Variants in DDAH1 observed in about 807,000 individuals in gnomAD.
DDAH1 encodes the protein dimethylarginine dimethylaminohydrolase 1.
DDAH1 carries 19 observed loss-of-function variants against 28.8 expected under a neutral mutation model. The ratio of observed to expected loss-of-function variants is 0.66; its 90% CI spans 0.46 to 0.97. The LOEUF (loss-of-function observed/expected upper bound fraction) is 0.97. Ranked by LOEUF, DDAH1 falls within the 50% of genes least tolerant of loss-of-function variation. DDAH1 has a pLI of 0.00. For synonymous variants in DDAH1, 153 were observed against 154.4 expected, an observed-to-expected ratio of 0.99 and a Z score of 0.07; for missense variants, 326 against 375.9, an observed-to-expected ratio of 0.87 and a Z score of 1.10.
intron 1 of DDAH1, among the ~76,000 whole-genome samples, chr1:85,391,738 G>T (rs1651560582): frequency 1.3e-5 from 2 of 152,182 alleles, no homozygotes; most frequent in Non-Finnish European, 2.9e-5. Context: ...CTGGCCTTTT[G>T]GCCTGCTCTG....
At chr1:85,508,649 C>A (rs550576120) in intron 1 of DDAH1, among the ~76,000 whole-genome samples, 1 of 152,350 alleles carries the variant, frequency 6.6e-6, no homozygotes, top group Admixed American at 6.5e-5. Flanking sequence ...TCTTAGCAAC[C>A]GGCAGACAAC....
At chr1:85,355,029 C>G (rs901417181) in intron 2 of DDAH1, among the ~76,000 whole-genome samples, 4 of 151,838 alleles carry the variant, frequency 2.6e-5, no homozygotes, top group African/African-American at 4.8e-5. Context: ...CTCTGGCAAA[C>G]AAAGAAAGAA....
rs546515140 is a variant in DDAH1, at chr1:85,321,163, A to G, written c.*289T>C. 3.7e-6 allele frequency: 1 copy of G among 270,594 alleles called. No individual in the cohort carries two copies. The highest frequency in any genetic ancestry group is 2.2e-5 in the African/African-American group (1 of 46,124). 16.8% of individuals were successfully genotyped at this position (270,594 alleles called of 1,614,324 possible). A position where few individuals can be genotyped will look rare whatever the true frequency, so the allele number is the denominator to read the frequency against. Reference sequence around the variant, plus strand: ...AATAATTTTCACACCAAAAATACAGACACTAAATGAGTGTTTCCTTACTGG... The same window carrying G: ...AATAATTTTCACACCAAAAATACAGGCACTAAATGAGTGTTTCCTTACTGG... On this transcript the variant is annotated 3_prime_UTR_variant, in exon 6 of 6. Transcript: ENST00000284031.
rs534963794 is a variant in DDAH1 at position 85,526,104 on chromosome 1, T to G, written c.-122-29823A>C. 2.0e-3 allele frequency among the ~76,000 whole-genome samples: 312 copies of G among 152,322 alleles called. 4 individuals are homozygous for G. The highest frequency in any genetic ancestry group is 0.018 in the Admixed American group (274 of 15,306). ...GGTTAAATGGATCCAGAAAAATTAC[T>G]AACAGATATGGTGACAAAGGACATG... is the stretch of plus-strand genomic sequence containing the variant. On this transcript the variant is annotated intron_variant, in intron 1 of 6. Transcript: ENST00000426972.
intron 1 of DDAH1, among the ~76,000 whole-genome samples, chr1:85,521,447 T>A (rs671020): frequency 0.89 from 133,832 of 150,992 alleles, 59,659 homozygotes; most frequent in Middle Eastern, 0.96. Flanking sequence ...CAGCCGCCAG[T>A]GTGAACTCAT....
exon 2 of DDAH1, chr1:85,496,266 T>C (rs1480530117): frequency 7.1e-6 from 7 of 981,368 alleles, no homozygotes; most frequent in Non-Finnish European, 8.5e-6. Context: ...AGAGCTCCTT[T>C]TCCATACAGA....
chr1:85,564,162 C>T (rs568199201), intron 1 of DDAH1, among the ~76,000 whole-genome samples: 1 of 142,812 alleles, frequency 7.0e-6, no homozygotes, highest in East Asian at 2.0e-4. Flanking sequence ...CAGAGCAAGA[C>T]TCCATCTCAA....
At chr1:85,510,786 A>G (rs56853702) in intron 1 of DDAH1, among the ~76,000 whole-genome samples, 50,791 of 151,840 alleles carry the variant, frequency 0.33, 8,979 homozygotes, top group Admixed American at 0.46. Context: ...GATCAATTCC[A>G]CAAGAAGAGC....
At chr1:85,375,794 C>T (rs1650633247) in intron 1 of DDAH1, among the ~76,000 whole-genome samples, 3 of 152,014 alleles carry the variant, frequency 2.0e-5, no homozygotes, top group South Asian at 4.2e-4. Context: ...GAAAAAGAAA[C>T]TCAAACTCAT....
chr1:85,470,958 C>T (rs182974153), intron 2 of DDAH1, among the ~76,000 whole-genome samples: 263 of 152,334 alleles, frequency 1.7e-3, no homozygotes, highest in African/African-American at 5.8e-3. Context: ...GGCCCTCCTA[C>T]ATTCTGGCTG....
At chr1:85,566,582 A>C (rs905239285) in intron 1 of DDAH1, among the ~76,000 whole-genome samples, 14 of 152,116 alleles carry the variant, frequency 9.2e-5, no homozygotes, top group Non-Finnish European at 1.5e-5. Context: ...AAGAAACCTA[A>C]TTTAAATATA....
At chr1:85,420,541 C>T (rs2840319) in intron 1 of DDAH1, among the ~76,000 whole-genome samples, 92,742 of 151,942 alleles carry the variant, frequency 0.61, 28,583 homozygotes, top group African/African-American at 0.68. Flanking sequence ...CCCTAGGGCA[C>T]GGACACAATG....
At chr1:85,565,050 A>T (rs1210005396) in intron 1 of DDAH1, among the ~76,000 whole-genome samples, 1 of 151,546 alleles carries the variant, frequency 6.6e-6, no homozygotes, top group Non-Finnish European at 1.5e-5. Context: ...CAAAAAAAAA[A>T]GATTAGTTGA....
At chr1:85,553,444 A>G (rs1658860538) in intron 1 of DDAH1, among the ~76,000 whole-genome samples, 1 of 152,210 alleles carries the variant, frequency 6.6e-6, no homozygotes, top group Non-Finnish European at 1.5e-5. Flanking sequence ...AACTTTTGGG[A>G]TCTCTAGAAA....
chr1:85,325,181 T>C (rs527632717), intron 4 of DDAH1, among the ~76,000 whole-genome samples: 8 of 152,346 alleles, frequency 5.3e-5, no homozygotes, highest in Admixed American at 4.6e-4. Flanking sequence ...GTAAGACTTA[T>C]CAGTAAGATG....
intron 1 of DDAH1, among the ~76,000 whole-genome samples, chr1:85,384,697 GACA>G (rs2100915051): frequency 6.6e-6 from 1 of 152,230 alleles, no homozygotes; most frequent in East Asian, 1.9e-4. Flanking sequence ...CCACCTCTGT[GACA>G]ACATTATATA....
chr1:85,503,497 C>A (rs540374848), intron 1 of DDAH1, among the ~76,000 whole-genome samples: 1 of 151,946 alleles, frequency 6.6e-6, no homozygotes, highest in Non-Finnish European at 1.5e-5. Context: ...CCACTGCACC[C>A]GGCTGATGTT....
chr1:85,498,829 G>A (rs113037091), intron 1 of DDAH1, among the ~76,000 whole-genome samples: 11,198 of 152,194 alleles, frequency 0.074, 529 homozygotes, highest in South Asian at 0.14. Context: ...AGCTGAGGTA[G>A]GAGAACCGCT....
chr1:85,437,291 C>T (rs906328860), intron 1 of DDAH1, among the ~76,000 whole-genome samples: 8 of 152,106 alleles, frequency 5.3e-5, no homozygotes, highest in South Asian at 2.1e-4. Flanking sequence ...GTTAGTTATC[C>T]GAGTCTTCCC....
Sources: allele counts gnomAD v4.1 joint callset (sites outside exome capture counted in the v4.1 genomes callset), GRCh38; gene constraint gnomAD v4.1.1; transcripts MANE v1.5; gene names NCBI Gene and HGNC (gene_info 2026-07-23, HGNC 2026-07-21).